MEI4: variants seen among roughly 807,000 people sequenced by gnomAD.
The protein encoded by MEI4 is meiotic double-stranded break formation protein 4.
A neutral mutation model predicts 31.4 loss-of-function variants in MEI4; 27 were observed. The ratio of observed to expected loss-of-function variants is 0.86; its 90% CI spans 0.63 to 1.19. MEI4 has a LOEUF of 1.19. Ranked by LOEUF, MEI4 falls within the 50% of genes most tolerant of loss-of-function variation. The pLI, the probability that MEI4 is intolerant of heterozygous loss-of-function variation, is 0.00. For missense variants in MEI4, 329 were observed against 398.9 expected, an observed-to-expected ratio of 0.82 and a Z score of 1.49; for synonymous variants, 122 against 145.4, an observed-to-expected ratio of 0.84 and a Z score of 1.16.
intron 3 of MEI4, among the ~76,000 whole-genome samples, chr6:77,786,342 G>T (rs1228162202): frequency 1.3e-5 from 2 of 151,914 alleles, no homozygotes; most frequent in Non-Finnish European, 2.9e-5. Flanking sequence ...TGTTAACCTT[G>T]AATTTAGAAT....
intron 3 of MEI4, among the ~76,000 whole-genome samples, chr6:77,765,351 G>T (rs577132198): frequency 1.3e-5 from 2 of 151,816 alleles, no homozygotes; most frequent in Non-Finnish European, 2.9e-5. Flanking sequence ...ATGAGAAGAA[G>T]TGACAACTTA....
chr6:77,875,544 A>G (rs981704556), intron 4 of MEI4, among the ~76,000 whole-genome samples: 1 of 152,240 alleles, frequency 6.6e-6, no homozygotes, highest in East Asian at 1.9e-4. Flanking sequence ...TATGTAAACT[A>G]GACAGAAAGT....
Position 77,874,197 on chromosome 6 carries a change from A to G in MEI4, c.900+45135A>G, listed in dbSNP as rs547633777. Among the ~76,000 whole-genome samples the G allele has an allele frequency of 5.0e-4, 76 of 152,222 alleles. 1 individual carries two copies. The South Asian group carries it at 0.015, about 30-fold the overall frequency. ...TTGAATCTATTAATTACCTTGGGCA[A>G]TATGGCCATTTTCACAATATTGATT... On this transcript the variant is annotated intron_variant, in intron 4 of 4. Coordinates refer to ENST00000684080, the MANE Select transcript of MEI4 (RefSeq NM_001322247.2).
At chr6:77,914,730 T>C (rs1766504748) in intron 4 of MEI4, among the ~76,000 whole-genome samples, 1 of 152,134 alleles carries the variant, frequency 6.6e-6, no homozygotes, top group African/African-American at 2.4e-5. Context: ...GATCTAATAA[T>C]ATTTGCTTTG....
rs73760052 is a variant in MEI4, at chr6:77,808,179, C to T, written c.769-20752C>T. Among the ~76,000 whole-genome samples the T allele has an allele frequency of 9.2e-3, 1,395 of 152,152 alleles. 17 individuals carry two copies. The highest frequency in any genetic ancestry group is 0.031 in the African/African-American group (1,291 of 41,498). ...ACAAATATGATGGAATATGAAATGT[C>T]AATATTCACTAATATAAGTATTCAG... On this transcript the variant is annotated intron_variant, in intron 3 of 4. Transcript: ENST00000684080.
At chr6:77,658,530 G>C (rs952178760) in intron 1 of MEI4, among the ~76,000 whole-genome samples, 2 of 151,996 alleles carry the variant, frequency 1.3e-5, no homozygotes, top group African/African-American at 4.8e-5. Context: ...AAAATTTTTT[G>C]GGGGGTGGTA....
chr6:77,664,162 C>T (rs568358129), intron 1 of MEI4, among the ~76,000 whole-genome samples: 1 of 152,214 alleles, frequency 6.6e-6, no homozygotes, highest in East Asian at 1.9e-4. Context: ...TTATTGTACA[C>T]CTTGAAGGCG....
At chr6:77,837,638 A>C (rs1422671979) in intron 4 of MEI4, among the ~76,000 whole-genome samples, 1 of 152,160 alleles carries the variant, frequency 6.6e-6, no homozygotes, top group Non-Finnish European at 1.5e-5. Flanking sequence ...AACATATAAC[A>C]ATCTCCAAAG....
At position 77,847,482 on chromosome 6, in the gene MEI4, G is replaced by T. The variant is rs917945852; in HGVS notation, c.900+18420G>T. 1.3e-5 allele frequency among the ~76,000 whole-genome samples: 2 copies of T among 152,144 alleles called. No individual in the cohort carries two copies. The highest frequency in any genetic ancestry group is 1.3e-4 in the Admixed American group (2 of 15,272). On this transcript the variant is annotated intron_variant, in intron 4 of 4. Transcript: ENST00000684080. This position sits in a 1 kb window ranked among gnomAD's most constrained non-coding sequence, Gnocchi z 4.6. ...AAAAGAAGTCAGCAGAGTCATTTCA[G>T]TGTCATGAGAAAATATCAAATGCAT...
chr6:77,745,273 A>C (rs951511442), intron 2 of MEI4, among the ~76,000 whole-genome samples: 1 of 152,204 alleles, frequency 6.6e-6, no homozygotes, highest in Non-Finnish European at 1.5e-5. Flanking sequence ...GGATGGAGGA[A>C]GACCTACCAA....
chr6:77,830,716 C>A (rs1770057580), intron 4 of MEI4, among the ~76,000 whole-genome samples: 1 of 151,856 alleles, frequency 6.6e-6, no homozygotes, highest in Non-Finnish European at 1.5e-5. Context: ...AAGAACAAAA[C>A]TATATTTCAT....
chr6:77,880,870 CT>C (rs1447878324), intron 4 of MEI4, among the ~76,000 whole-genome samples: 3 of 151,348 alleles, frequency 2.0e-5, no homozygotes, highest in African/African-American at 7.3e-5. Context: ...GTGAAGTAGT[CT>C]TTTAGCTCTG....
Position 77,705,632 on chromosome 6 carries a change from G to C in MEI4, c.232+14729G>C, listed in dbSNP as rs1298412186. 2.6e-5 allele frequency among the ~76,000 whole-genome samples: 4 copies of C among 152,252 alleles called. No homozygotes were observed. In the East Asian group the frequency reaches 7.7e-4, roughly 29 times the overall value. ...TGATTGGAAATGAGTATCTGTAGAG[G>C]GAGGCCCAATGTGTATGTGGGATCC... On this transcript the variant is annotated intron_variant, in intron 2 of 4. Transcript: ENST00000684080.
chr6:77,858,540 T>G (rs1770793183), intron 4 of MEI4, among the ~76,000 whole-genome samples: 1 of 152,140 alleles, frequency 6.6e-6, no homozygotes, highest in African/African-American at 2.4e-5. Flanking sequence ...GATCCTGCTA[T>G]ATCAGATTTC....
intron 2 of MEI4, among the ~76,000 whole-genome samples, chr6:77,747,186 C>T (rs1414433684): frequency 6.6e-6 from 1 of 152,008 alleles, no homozygotes; most frequent in East Asian, 1.9e-4. Flanking sequence ...GTGGCACACA[C>T]CTGTAATCCC....
chr6:77,868,197 A>G (rs1370758388), intron 4 of MEI4, among the ~76,000 whole-genome samples: 1 of 150,452 alleles, frequency 6.6e-6, no homozygotes, highest in African/African-American at 2.5e-5. Flanking sequence ...GTACACATGT[A>G]CCCTTAAAGC....
intron 1 of MEI4, among the ~76,000 whole-genome samples, chr6:77,683,843 T>C (rs1769002953): frequency 6.6e-6 from 1 of 152,198 alleles, no homozygotes; most frequent in African/African-American, 2.4e-5. Flanking sequence ...GCAGCAAACA[T>C]TGGAGTGCAG....
chr6:77,922,252 G>GT (rs566288347), intron 4 of MEI4, among the ~76,000 whole-genome samples: 4 of 150,498 alleles, frequency 2.7e-5, no homozygotes, highest in Non-Finnish European at 5.9e-5. Context: ...TTTTCTCAAT[G>GT]TTAATACTTT....
At chr6:77,678,570 C>G (rs1768888436) in intron 1 of MEI4, among the ~76,000 whole-genome samples, 1 of 16,582 alleles carries the variant, frequency 6.0e-5, no homozygotes, top group Non-Finnish European at 9.8e-5. Flanking sequence ...TGTGGTGATG[C>G]TGGTGTAAAC....
Sources: gnomAD v4.1 joint callset for allele counts (sites outside exome capture counted in the v4.1 genomes callset) on GRCh38, gnomAD v4.1.1 for gene constraint, Gnocchi (gnomAD v3.1) non-coding constraint, MANE v1.5 for transcripts, NCBI Gene and HGNC (gene_info 2026-07-23, HGNC 2026-07-21) for gene names.